FAM13C: variants seen among roughly 807,000 people sequenced by gnomAD.
FAM13C encodes protein FAM13C.
A neutral mutation model predicts 73.2 loss-of-function variants in FAM13C; 37 were observed. The ratio of observed to expected loss-of-function variants is 0.51; its 90% CI spans 0.39 to 0.67. The LOEUF is 0.67. Among genes scored for constraint, FAM13C ranks in the 30% least tolerant of loss-of-function variants. The probability of loss-of-function intolerance (pLI) is 0.00; values close to 1 mark genes in which losing one functional copy is unlikely to be tolerated. For synonymous variants in FAM13C, 246 were observed against 260.9 expected, an observed-to-expected ratio of 0.94 and a Z score of 0.55; for missense variants, 589 against 715.6, an observed-to-expected ratio of 0.82 and a Z score of 2.02.
At chr10:59,361,089 C>A in intron 1 of FAM13C, 1 of 1,289,210 alleles carries the variant, frequency 7.8e-7, no homozygotes, top group Non-Finnish European at 1.0e-6. Context: ...CTTTGGCACA[C>A]CTCTCTCCCC....
chr10:59,310,578 C>A (rs1417465715), intron 4 of FAM13C, among the ~76,000 whole-genome samples: 1 of 151,992 alleles, frequency 6.6e-6, no homozygotes, highest in East Asian at 1.9e-4. Context: ...TAAAAAAAAA[C>A]CAAGCCACAG....
rs375114483 is a variant in FAM13C, at chr10:59,289,416, G to C, written c.508-5969C>G. ...TCCTACCAGGTCTGTGCCCTGCAGA[G>C]CCACCCCAAGAAGGCTTCAGGACAG... is the stretch of plus-strand genomic sequence containing the variant. On this transcript the variant is annotated intron_variant, in intron 5 of 13. Transcript: ENST00000618804. Among the ~76,000 whole-genome samples, 17 of 152,282 alleles carry C rather than the reference G, an allele frequency of 1.1e-4. No individual in the cohort carries two copies. The East Asian group carries it at 2.5e-3, about 23-fold the overall frequency.
intron 12 of FAM13C, 82 bp downstream of exon 12, chr10:59,252,717 T>C: frequency 7.0e-7 from 1 of 1,429,566 alleles, no homozygotes; most frequent in Non-Finnish European, 9.8e-7. Flanking sequence ...TCCAGCATTT[T>C]CAAAGGCCAG....
chr10:59,265,684 T>G (rs1344042442), intron 8 of FAM13C, among the ~76,000 whole-genome samples: 4 of 152,216 alleles, frequency 2.6e-5, no homozygotes, highest in Non-Finnish European at 4.4e-5. Context: ...AATAAGTTTT[T>G]ACTACGGTGC....
chr10:59,326,013 C>G (rs764657781), intron 3 of FAM13C, among the ~76,000 whole-genome samples: 11 of 151,792 alleles, frequency 7.2e-5, no homozygotes, highest in Non-Finnish European at 1.3e-4. Flanking sequence ...TTATTAAAAC[C>G]TTATCCTTTT....
chr10:59,338,796 T>C (rs1589675990), intron 3 of FAM13C, among the ~76,000 whole-genome samples: 1 of 152,180 alleles, frequency 6.6e-6, no homozygotes, highest in Admixed American at 6.5e-5. Flanking sequence ...TGGAACAGAA[T>C]CCCATCAGTT....
intron 3 of FAM13C, among the ~76,000 whole-genome samples, chr10:59,332,256 G>A (rs2134108672): frequency 1.3e-5 from 2 of 152,138 alleles, no homozygotes; most frequent in Middle Eastern, 6.8e-3. Context: ...GTGTGTGTGT[G>A]TATTATTACT....
intron 5 of FAM13C, among the ~76,000 whole-genome samples, chr10:59,298,015 C>T (rs938277606): frequency 2.0e-5 from 3 of 152,230 alleles, no homozygotes; most frequent in African/African-American, 7.2e-5. Flanking sequence ...GTGCAAAAGA[C>T]TCATGCAACA....
chr10:59,288,208 G>A (rs1313791757), intron 5 of FAM13C, among the ~76,000 whole-genome samples: 1 of 152,184 alleles, frequency 6.6e-6, no homozygotes, highest in East Asian at 1.9e-4. Flanking sequence ...CTATCCATTG[G>A]TGGCTGGGCG....
intron 5 of FAM13C, among the ~76,000 whole-genome samples, chr10:59,295,554 C>G (rs575226895): frequency 8.8e-4 from 134 of 152,270 alleles, no homozygotes; most frequent in African/African-American, 2.9e-3. Flanking sequence ...TCTCCAGAAC[C>G]TCCAGATAAG....
intron 5 of FAM13C, among the ~76,000 whole-genome samples, chr10:59,299,487 C>T (rs1589512608): frequency 6.8e-6 from 1 of 147,544 alleles, no homozygotes; most frequent in African/African-American, 2.5e-5. Context: ...GAGTTGGAAA[C>T]AGTAGTTTGA....
At chr10:59,352,163 C>A in intron 3 of FAM13C, 107 bp downstream of exon 3, 1 of 1,285,042 alleles carries the variant, frequency 7.8e-7, no homozygotes, top group Non-Finnish European at 1.1e-6. Flanking sequence ...ACAAGTCGTG[C>A]CAATCCCCTC....
rs142173680 is a variant in FAM13C, at chr10:59,360,338, G to A, written c.62+2061C>T. ...ATCTCTAGGTGAAATTTCAGGCATCGAAGAAAATAAGTGGGTGTGAGTAGA... is the reference window on the plus strand; with the variant it reads ...ATCTCTAGGTGAAATTTCAGGCATCAAAGAAAATAAGTGGGTGTGAGTAGA... On this transcript the variant is annotated intron_variant, in intron 1 of 13. Transcript: ENST00000618804. Among the ~76,000 whole-genome samples the A allele has an allele frequency of 3.1e-3, 479 of 152,230 alleles. 4 individuals are homozygous for A. The highest frequency in any genetic ancestry group is 0.011 in the African/African-American group (455 of 41,540).
At chr10:59,253,804 GA>G (rs1194258229) in intron 11 of FAM13C, 2 of 152,270 alleles carry the variant, frequency 1.3e-5, no homozygotes, top group East Asian at 3.8e-4. Context: ...TAGGATTTGT[GA>G]TGCTTTTCTA....
At chr10:59,270,298 A>G (rs1843565680) in intron 6 of FAM13C, 189 bp from the exon 7 acceptor site, 5 of 616,722 alleles carry the variant, frequency 8.1e-6, no homozygotes, top group African/African-American at 1.8e-5. Flanking sequence ...AGAAAATATT[A>G]CAAAGCTGTT....
chr10:59,356,013 A>ACAATTCTAGATT, intron 1 of FAM13C, 70 bp from the exon 2 acceptor site: 1 of 1,429,316 alleles, frequency 7.0e-7, no homozygotes, highest in Non-Finnish European at 9.9e-7. Context: ...AATAATCTAG[A>ACAATTCTAGATT]ATTGTCTCAA....
intron 11 of FAM13C, chr10:59,254,138 T>A (rs1263310607): frequency 2.5e-6 from 1 of 397,746 alleles, no homozygotes; most frequent in Non-Finnish European, 4.4e-6. Context: ...GTGCTATATG[T>A]TCCTATTTTA....
intron 4 of FAM13C, among the ~76,000 whole-genome samples, chr10:59,307,978 T>C (rs2133905304): frequency 6.6e-6 from 1 of 152,270 alleles, no homozygotes; most frequent in African/African-American, 2.4e-5. Context: ...CCCTTCTTTT[T>C]AAGATCCTTA....
chr10:59,316,166 C>T (rs1849505962), intron 4 of FAM13C, among the ~76,000 whole-genome samples: 1 of 152,062 alleles, frequency 6.6e-6, no homozygotes. Flanking sequence ...AACTCCTGGC[C>T]TCAAGTGATC....
Sources: gnomAD v4.1 joint callset for allele counts (sites outside exome capture counted in the v4.1 genomes callset) on GRCh38, gnomAD v4.1.1 for gene constraint, MANE v1.5 for transcripts, NCBI Gene and HGNC (gene_info 2026-07-23, HGNC 2026-07-21) for gene names.